The following PRIM2 variants were observed in gnomAD, a reference collection of about 807,000 sequenced individuals.
PRIM2 encodes the protein DNA primase subunit 2, also known as DNA primase large subunit.
A neutral mutation model predicts 67.3 loss-of-function variants in PRIM2; 39 were observed. The observed-to-expected ratio is 0.58, with a 90% CI of 0.45 to 0.76. The LOEUF is 0.76. PRIM2 is among the 30% of genes least tolerant of loss of function. The pLI, the probability that PRIM2 is intolerant of heterozygous loss-of-function variation, is 0.00. For synonymous variants in PRIM2, 143 were observed against 198.7 expected (o/e 0.72, Z 2.36); for missense variants, 398 against 598.7 (o/e 0.66, Z 3.50).
chr6:57,604,220 G>A (rs1776521520), intron 11 of PRIM2, among the ~76,000 whole-genome samples: 1 of 152,136 alleles, frequency 6.6e-6, no homozygotes, highest in Admixed American at 6.5e-5. Flanking sequence ...AGGAGGCAGA[G>A]GTTGCAGTTG....
intron 10 of PRIM2, among the ~76,000 whole-genome samples, chr6:57,547,431 A>G (rs1775311313): frequency 6.6e-6 from 1 of 152,082 alleles, no homozygotes; most frequent in Non-Finnish European, 1.5e-5. Flanking sequence ...TCCTATCTCT[A>G]TGTCTGTGGG....
At chr6:57,504,058 G>A (rs1366326563) in intron 7 of PRIM2, among the ~76,000 whole-genome samples, 4 of 152,324 alleles carry the variant, frequency 2.6e-5, no homozygotes, top group Middle Eastern at 3.4e-3. Flanking sequence ...CTGAGATTAG[G>A]TGAAGGCTTC....
chr6:57,237,879 G>T, the PRIM2 span, among the ~76,000 whole-genome samples: 1 of 152,166 alleles, frequency 6.6e-6, no homozygotes, highest in African/African-American at 2.4e-5. Context: ...TTTTGGCTTA[G>T]GATTGACTTG....
At chr6:57,443,678 C>T (rs562579841) in intron 7 of PRIM2, among the ~76,000 whole-genome samples, 8 of 152,160 alleles carry the variant, frequency 5.3e-5, no homozygotes, top group Admixed American at 2.0e-4. Context: ...CCTTATCAGG[C>T]GTAACACTTG....
At chr6:57,512,733 G>A (rs1554347826) in intron 8 of PRIM2, among the ~76,000 whole-genome samples, 1 of 152,110 alleles carries the variant, frequency 6.6e-6, no homozygotes, top group African/African-American at 2.4e-5. Flanking sequence ...AAGTAGCTGG[G>A]ACTACAGGCA....
At chr6:57,572,791 A>T (rs1204771584) in intron 10 of PRIM2, among the ~76,000 whole-genome samples, 1 of 152,234 alleles carries the variant, frequency 6.6e-6, no homozygotes, top group African/African-American at 2.4e-5. Context: ...AGAGCAGCAC[A>T]TTTTGTGAAA....
At chr6:57,581,744 A>G (rs1488621587) in intron 10 of PRIM2, among the ~76,000 whole-genome samples, 5 of 152,242 alleles carry the variant, frequency 3.3e-5, no homozygotes, top group African/African-American at 1.2e-4. Flanking sequence ...GAAAGTTAAC[A>G]GAGAAGTATG....
chr6:57,299,452 C>T, the PRIM2 span, among the ~76,000 whole-genome samples: 1 of 152,074 alleles, frequency 6.6e-6, no homozygotes, highest in Non-Finnish European at 1.5e-5. Flanking sequence ...GCAGACTGAC[C>T]CTATGCCATC....
intron 7 of PRIM2, among the ~76,000 whole-genome samples, chr6:57,491,144 T>C (rs1245431782): frequency 2.0e-5 from 3 of 152,202 alleles, no homozygotes; most frequent in African/African-American, 7.2e-5. Context: ...TAAACTGTAG[T>C]GTAGTGAAAT....
At chr6:57,286,013 A>T in the PRIM2 span, among the ~76,000 whole-genome samples, 1 of 152,154 alleles carries the variant, frequency 6.6e-6, no homozygotes, top group Non-Finnish European at 1.5e-5. Flanking sequence ...CACAATTGCT[A>T]TAAAGAAAAT....
chr6:57,639,816 C>T (rs1427614904), intron 13 of PRIM2, among the ~76,000 whole-genome samples: 1 of 151,198 alleles, frequency 6.6e-6, no homozygotes, highest in Admixed American at 6.6e-5. Flanking sequence ...CAAAGCAGAG[C>T]CGGTACCATT....
chr6:57,291,259 A>G, the PRIM2 span, among the ~76,000 whole-genome samples: 1 of 152,242 alleles, frequency 6.6e-6, no homozygotes, highest in African/African-American at 2.4e-5. Flanking sequence ...GAAGAAATGG[A>G]TGAATTCCTG....
the PRIM2 span, among the ~76,000 whole-genome samples, chr6:57,291,521 A>G: frequency 2.6e-5 from 4 of 152,338 alleles, no homozygotes; most frequent in Non-Finnish European, 5.9e-5. Flanking sequence ...TCCTGATACC[A>G]AAGCCTCACA....
the PRIM2 span, among the ~76,000 whole-genome samples, chr6:57,246,489 C>A: frequency 1.3e-5 from 2 of 152,172 alleles, no homozygotes; most frequent in African/African-American, 4.8e-5. Flanking sequence ...GCCGTCCTAT[C>A]GGTGATGGGG....
At chr6:57,566,188 T>C (rs1284011720) in intron 10 of PRIM2, among the ~76,000 whole-genome samples, 3 of 151,460 alleles carry the variant, frequency 2.0e-5, no homozygotes, top group Admixed American at 6.6e-5. Context: ...TTTTTTTTTT[T>C]CTGTAAATGG....
chr6:57,597,220 G>GC (rs1196912697), intron 10 of PRIM2, among the ~76,000 whole-genome samples: 21 of 152,244 alleles, frequency 1.4e-4, no homozygotes, highest in African/African-American at 5.1e-4. Flanking sequence ...TTTTGAGGAA[G>GC]CAATGTCTTC....
At chr6:57,367,200 A>T (rs1319634481) in intron 5 of PRIM2, among the ~76,000 whole-genome samples, 3 of 152,190 alleles carry the variant, frequency 2.0e-5, no homozygotes, top group Non-Finnish European at 2.9e-5. Context: ...ATGACAAAAA[A>T]ATTTGTGAGT....
At chr6:57,462,409 G>T (rs1773038341) in intron 7 of PRIM2, among the ~76,000 whole-genome samples, 2 of 152,194 alleles carry the variant, frequency 1.3e-5, no homozygotes, top group Non-Finnish European at 2.9e-5. Flanking sequence ...TTGTAATTGT[G>T]TACTAGTGTT....
chr6:57,575,291 A>C lies in PRIM2; in HGVS notation c.1021-25802A>C, dbSNP rs1426069337. Among the ~76,000 whole-genome samples the C allele has an allele frequency of 4.6e-5, 7 of 152,370 alleles. No homozygotes were observed. In the East Asian group the frequency reaches 1.3e-3, roughly 29 times the overall value. On this transcript the variant is annotated intron_variant, in intron 10 of 13. Coordinates refer to ENST00000615550, the MANE Select transcript of PRIM2 (RefSeq NM_000947.5). ...AATAAATAAGATAGTAATTTCTATC[A>C]CACTAAATGGTGATTTTTATCTGCT...
Sources: gnomAD v4.1 joint callset for allele counts (sites outside exome capture counted in the v4.1 genomes callset) on GRCh38, gnomAD v4.1.1 for gene constraint, MANE v1.5 for transcripts, NCBI Gene and HGNC (gene_info 2026-07-23, HGNC 2026-07-21) for gene names.